ADAMTS6: variants seen among roughly 807,000 people sequenced by gnomAD.
ADAMTS6 encodes ADAM metallopeptidase with thrombospondin type 1 motif 6.
Under a neutral mutation model 144.3 loss-of-function variants are expected in ADAMTS6, and 23 were observed. The ratio of observed to expected loss-of-function variants is 0.16; its 90% CI spans 0.11 to 0.23. The LOEUF (loss-of-function observed/expected upper bound fraction) is 0.23, where lower values mean the gene tolerates loss of function less well. Among genes scored for constraint, ADAMTS6 ranks in the 10% least tolerant of loss-of-function variants. The pLI, the probability that ADAMTS6 is intolerant of heterozygous loss-of-function variation, is 1.00. For missense variants in ADAMTS6, 999 were observed against 1,379.6 expected, an observed-to-expected ratio of 0.72 and a Z score of 4.37; for synonymous variants, 444 against 457.5, an observed-to-expected ratio of 0.97 and a Z score of 0.38.
At chr5:65,302,609 G>C (rs1240114054) in intron 9 of ADAMTS6, among the ~76,000 whole-genome samples, 1 of 151,856 alleles carries the variant, frequency 6.6e-6, no homozygotes, top group African/African-American at 2.4e-5. Flanking sequence ...GGTCTTCAAG[G>C]AATGTGAAGG....
chr5:65,468,741 T>C (rs1476642281), intron 3 of ADAMTS6, among the ~76,000 whole-genome samples: 3 of 152,230 alleles, frequency 2.0e-5, no homozygotes, highest in Admixed American at 6.5e-5. Context: ...TCCTTCATTG[T>C]AGAAAAGGTT....
At chr5:65,187,892 G>T in intron 22 of ADAMTS6, 124 bp downstream of exon 22, 2 of 917,006 alleles carry the variant, frequency 2.2e-6, no homozygotes, top group South Asian at 2.0e-5. Flanking sequence ...ATATAACATG[G>T]TCACTGTTAC....
At chr5:65,356,138 C>T (rs1749304814) in intron 7 of ADAMTS6, among the ~76,000 whole-genome samples, 1 of 151,684 alleles carries the variant, frequency 6.6e-6, no homozygotes, top group South Asian at 2.1e-4. Context: ...AAAATGTTCC[C>T]CATTTTGAAT....
intron 11 of ADAMTS6, among the ~76,000 whole-genome samples, chr5:65,279,562 C>T (rs2112695037): frequency 6.6e-6 from 1 of 152,264 alleles, no homozygotes; most frequent in African/African-American, 2.4e-5. Context: ...AGTGATCTGC[C>T]TGCCTCGGCC....
intron 10 of ADAMTS6, among the ~76,000 whole-genome samples, chr5:65,295,350 T>C (rs1383220028): frequency 1.3e-5 from 2 of 152,134 alleles, no homozygotes; most frequent in East Asian, 3.8e-4. Flanking sequence ...GATAAAACTA[T>C]ACAATTCTTA....
chr5:65,318,722 C>T (rs753067728), intron 9 of ADAMTS6, among the ~76,000 whole-genome samples: 1 of 150,878 alleles, frequency 6.6e-6, no homozygotes, highest in Non-Finnish European at 1.5e-5. Context: ...GGATGGTTGC[C>T]AGAGGTTGGG....
At chr5:65,370,933 G>C (rs192931814) in intron 7 of ADAMTS6, among the ~76,000 whole-genome samples, 3 of 152,170 alleles carry the variant, frequency 2.0e-5, no homozygotes, top group African/African-American at 7.2e-5. Context: ...ATCTGAGAAC[G>C]GGCAGACTGC....
intron 7 of ADAMTS6, among the ~76,000 whole-genome samples, chr5:65,451,041 C>T (rs941347252): frequency 1.3e-5 from 2 of 151,922 alleles, no homozygotes; most frequent in African/African-American, 2.4e-5. Flanking sequence ...TGCCAGTCTC[C>T]GCCTCCCTTT....
At chr5:65,213,617 A>G (rs1233961003) in intron 20 of ADAMTS6, among the ~76,000 whole-genome samples, 2 of 151,906 alleles carry the variant, frequency 1.3e-5, no homozygotes, top group Admixed American at 6.6e-5. Flanking sequence ...CTTGGGCAAC[A>G]GAGCAAAAAC....
chr5:65,373,105 G>C (rs528906509), intron 7 of ADAMTS6, among the ~76,000 whole-genome samples: 60 of 151,922 alleles, frequency 3.9e-4, no homozygotes, highest in African/African-American at 1.4e-3. Flanking sequence ...CGTATTCAAA[G>C]CAGTGTGTAG....
At chr5:65,440,923 A>G (rs1181430335) in intron 7 of ADAMTS6, among the ~76,000 whole-genome samples, 1 of 152,218 alleles carries the variant, frequency 6.6e-6, no homozygotes, top group Non-Finnish European at 1.5e-5. Flanking sequence ...AAGAATAATT[A>G]CAGAAACACA....
chr5:65,158,610 T>C (rs1208504582), intron 24 of ADAMTS6, among the ~76,000 whole-genome samples: 1 of 152,204 alleles, frequency 6.6e-6, no homozygotes, highest in Non-Finnish European at 1.5e-5. Context: ...CCAACTGACA[T>C]ATGTACTTCA....
intron 24 of ADAMTS6, among the ~76,000 whole-genome samples, chr5:65,160,461 C>T (rs1454466377): frequency 1.3e-5 from 2 of 151,932 alleles, no homozygotes; most frequent in Non-Finnish European, 2.9e-5. Flanking sequence ...TGCCCACCAC[C>T]ACGCCCGGCT....
At chr5:65,263,634 A>G (rs370810690) in intron 12 of ADAMTS6, among the ~76,000 whole-genome samples, 1 of 152,170 alleles carries the variant, frequency 6.6e-6, no homozygotes, top group African/African-American at 2.4e-5. Flanking sequence ...AATAAACCAC[A>G]CATACTGCAC....
chr5:65,452,642 T>G (rs1014147070), intron 5 of ADAMTS6, 65 bp downstream of exon 5: 23 of 1,552,348 alleles, frequency 1.5e-5, no homozygotes, highest in African/African-American at 2.8e-5. Context: ...CAGCAAAAAT[T>G]TATGACCTTA....
At chr5:65,275,442 AAG>A (rs991731325) in intron 11 of ADAMTS6, among the ~76,000 whole-genome samples, 4 of 150,842 alleles carry the variant, frequency 2.7e-5, no homozygotes, top group Non-Finnish European at 5.9e-5. Flanking sequence ...GAAAAGAAAA[AAG>A]AAAGAGAAAG....
chr5:65,358,828 G>A (rs1221417786), intron 7 of ADAMTS6, among the ~76,000 whole-genome samples: 1 of 152,114 alleles, frequency 6.6e-6, no homozygotes, highest in Non-Finnish European at 1.5e-5. Context: ...GCCACAGGCA[G>A]AAGAATGAAA....
intron 7 of ADAMTS6, among the ~76,000 whole-genome samples, chr5:65,424,775 G>A (rs1057486612): frequency 6.6e-6 from 1 of 151,996 alleles, no homozygotes; most frequent in Non-Finnish European, 1.5e-5. Flanking sequence ...AATAAATTTA[G>A]CCATTGTTTC....
intron 9 of ADAMTS6, among the ~76,000 whole-genome samples, chr5:65,316,501 G>A (rs1561414327): frequency 6.6e-6 from 1 of 152,066 alleles, no homozygotes; most frequent in Non-Finnish European, 1.5e-5. Context: ...TAATTACATT[G>A]TATATATAAG....
Sources: gnomAD v4.1 joint callset for allele counts (sites outside exome capture counted in the v4.1 genomes callset) on GRCh38, gnomAD v4.1.1 for gene constraint, MANE v1.5 for transcripts, NCBI Gene and HGNC (gene_info 2026-07-23, HGNC 2026-07-21) for gene names.